Variants in SSH2 observed in about 807,000 individuals in gnomAD.
SSH2 encodes the protein slingshot protein phosphatase 2, also known as protein phosphatase Slingshot homolog 2.
In SSH2, 37 loss-of-function variants were observed where a neutral mutation model predicts 135.2. The ratio of observed to expected loss-of-function variants is 0.27; its 90% CI spans 0.21 to 0.36. SSH2 has a LOEUF of 0.36. SSH2 is among the 10% of genes least tolerant of loss of function. The pLI, the probability that SSH2 is intolerant of heterozygous loss-of-function variation, is 1.00. For missense variants in SSH2, 1,408 were observed against 1,765.3 expected, an observed-to-expected ratio of 0.80 and a Z score of 3.63; for synonymous variants, 628 against 646.2, an observed-to-expected ratio of 0.97 and a Z score of 0.43.
At chr17:29,789,213 C>T (rs1224265297) in intron 3 of SSH2, among the ~76,000 whole-genome samples, 1 of 152,168 alleles carries the variant, frequency 6.6e-6, no homozygotes, top group Non-Finnish European at 1.5e-5. Flanking sequence ...AAATGAATTG[C>T]AGAAGGAATA....
chr17:29,827,118 C>A (rs2042759840), intron 2 of SSH2, among the ~76,000 whole-genome samples: 1 of 152,138 alleles, frequency 6.6e-6, no homozygotes, highest in African/African-American at 2.4e-5. Context: ...AAAATACACA[C>A]TAGGGAACAC....
rs1307751773 is a variant in SSH2, at chr17:29,632,746, G to A, written c.2448C>T (p.Leu816=). The part of the protein sequence containing the change: ...TPKKNSIHEL[L]LERAQTPENK... ...TCTCTGGAGTCTGGGCCCTCTCAAG[G>A]AGCAGCTCATGGATGCTGTTCTTCT... The change falls in exon 16 of 16, where the codon CTC becomes CTT. Residue 816 remains leucine (L), a synonymous_variant. Coordinates refer to ENST00000540801, the MANE Select transcript of SSH2 (RefSeq NM_001282129.2). 9 of 1,614,070 alleles carry A rather than the reference G, an allele frequency of 5.6e-6. No individual in the cohort carries two copies. Among genetic ancestry groups the A allele is most frequent in the Non-Finnish European group, 7.6e-6 (9 of 1,180,042 alleles).
chr17:29,778,539 C>A (rs2041760319), intron 3 of SSH2, among the ~76,000 whole-genome samples: 1 of 152,008 alleles, frequency 6.6e-6, no homozygotes, highest in Non-Finnish European at 1.5e-5. Context: ...ACTCAGGAGG[C>A]TGAGGCCGGA....
intron 11 of SSH2, among the ~76,000 whole-genome samples, chr17:29,664,910 G>A (rs1006500352): frequency 6.6e-6 from 1 of 152,122 alleles, no homozygotes; most frequent in Non-Finnish European, 1.5e-5. Context: ...AAGCATGCAT[G>A]AAATAAAACA....
intron 1 of SSH2, among the ~76,000 whole-genome samples, chr17:29,909,561 T>G (rs1325046639): frequency 6.6e-6 from 1 of 152,258 alleles, no homozygotes; most frequent in Non-Finnish European, 1.5e-5. Flanking sequence ...ACGTTATAAA[T>G]GCCATACCTT....
intron 3 of SSH2, chr17:29,780,385 AG>A (rs2041812717): frequency 6.6e-6 from 1 of 152,036 alleles, no homozygotes; most frequent in Admixed American, 6.6e-5. Context: ...TCAGAAAAAA[AG>A]TTCCTTGTAT....
At chr17:29,696,381 ATATATT>A (rs1296021600) in intron 4 of SSH2, among the ~76,000 whole-genome samples, 2 of 148,166 alleles carry the variant, frequency 1.3e-5, no homozygotes, top group Non-Finnish European at 1.5e-5. Context: ...ACATATAAAT[ATATATT>A]TATATTTATA....
intron 2 of SSH2, among the ~76,000 whole-genome samples, chr17:29,846,951 A>G (rs1202622033): frequency 6.6e-6 from 1 of 152,242 alleles, no homozygotes. Context: ...ATTATAGAAA[A>G]CAATCAAATC....
chr17:29,682,965 T>A (rs190350953), intron 6 of SSH2, among the ~76,000 whole-genome samples: 52 of 152,336 alleles, frequency 3.4e-4, no homozygotes, highest in African/African-American at 1.2e-3. Context: ...CTTTGGGAAT[T>A]CCTGTGAACC....
At chr17:29,720,552 A>G (rs943046468) in intron 3 of SSH2, among the ~76,000 whole-genome samples, 2 of 152,214 alleles carry the variant, frequency 1.3e-5, no homozygotes, top group African/African-American at 4.8e-5. Flanking sequence ...GGTTTTCTCT[A>G]CTATCGCTGG....
At chr17:29,876,830 C>CTGTG (rs2066042636) in intron 1 of SSH2, among the ~76,000 whole-genome samples, 1 of 151,602 alleles carries the variant, frequency 6.6e-6, no homozygotes, top group Non-Finnish European at 1.5e-5. Flanking sequence ...TGAGTAATAC[C>CTGTG]CCACATGCAC....
intron 2 of SSH2, among the ~76,000 whole-genome samples, chr17:29,812,094 T>G (rs2042452741): frequency 1.3e-5 from 2 of 151,510 alleles, no homozygotes; most frequent in South Asian, 4.2e-4. Flanking sequence ...TTCATTAAAC[T>G]GTGAACCTTT....
chr17:29,783,835 G>A (rs534951255), intron 3 of SSH2, among the ~76,000 whole-genome samples: 2 of 151,844 alleles, frequency 1.3e-5, no homozygotes, highest in Admixed American at 1.3e-4. Context: ...GGGAGGCCGA[G>A]GCGGGCGGAT....
intron 3 of SSH2, among the ~76,000 whole-genome samples, chr17:29,745,234 A>G (rs1422552495): frequency 6.6e-6 from 1 of 150,944 alleles, no homozygotes; most frequent in Admixed American, 6.6e-5. Context: ...ATCTCAGCTC[A>G]CTGCAACCTC....
chr17:29,909,001 C>T (rs939867314), intron 1 of SSH2, among the ~76,000 whole-genome samples: 6 of 150,918 alleles, frequency 4.0e-5, no homozygotes, highest in African/African-American at 7.3e-5. Context: ...GGTGTGAAGC[C>T]GGGAGGTGGA....
chr17:29,720,289 C>G (rs932786528), intron 3 of SSH2, among the ~76,000 whole-genome samples: 2 of 152,158 alleles, frequency 1.3e-5, no homozygotes, highest in African/African-American at 4.8e-5. Flanking sequence ...TTTATTTCAA[C>G]CTTACCAGTA....
intron 1 of SSH2, among the ~76,000 whole-genome samples, chr17:29,917,843 A>G (rs561613093): frequency 6.6e-6 from 1 of 152,198 alleles, no homozygotes; most frequent in East Asian, 1.9e-4. Context: ...CGACAGAGCA[A>G]GATTCCATCT....
At chr17:29,897,253 A>G (rs1036710947) in intron 1 of SSH2, among the ~76,000 whole-genome samples, 1 of 152,130 alleles carries the variant, frequency 6.6e-6, no homozygotes, top group Non-Finnish European at 1.5e-5. Context: ...CTAACATCAT[A>G]ATGACAGGAT....
chr17:29,773,058 C>T (rs1322814956), intron 3 of SSH2, among the ~76,000 whole-genome samples: 3 of 141,602 alleles, frequency 2.1e-5, no homozygotes, highest in Admixed American at 1.4e-4. Context: ...TCCATCCATC[C>T]ATCATCCACC....
Sources: gnomAD v4.1 joint callset for allele counts (sites outside exome capture counted in the v4.1 genomes callset) on GRCh38, gnomAD v4.1.1 for gene constraint, MANE v1.5 for transcripts, NCBI Gene and HGNC (gene_info 2026-07-23, HGNC 2026-07-21) for gene names.